ZNF532: variants seen among roughly 807,000 people sequenced by gnomAD.
The protein encoded by ZNF532 is zinc finger protein 532.
In ZNF532, 22 loss-of-function variants were observed where a neutral mutation model predicts 89.3. The observed-to-expected ratio is 0.25, with a 90% CI of 0.18 to 0.35. The LOEUF is 0.35. ZNF532 is among the 10% of genes least tolerant of loss of function. The pLI, the probability that ZNF532 is intolerant of heterozygous loss-of-function variation, is 1.00. For synonymous variants in ZNF532, 606 were observed against 649.6 expected (o/e 0.93, Z 1.02); for missense variants, 1,132 against 1,643.4 (o/e 0.69, Z 5.38).
At position 58,918,547 on chromosome 18, in the gene ZNF532, A is replaced by G. The variant is rs766978666; in HGVS notation, c.260A>G (p.Asn87Ser). Residue 87 changes from asparagine to serine, a missense_variant, in exon 3 of 10, where the codon AAT (asparagine) becomes AGT (serine). Asn to Ser is a conservative substitution (Grantham distance 46, BLOSUM62 1). This residue lies in a region of ZNF532 where 302 missense variants were observed against 319.8 expected (regional missense o/e 0.94). Coordinates refer to ENST00000591808, the MANE Select transcript of ZNF532 (RefSeq NM_001375912.1). The stretch of plus-strand genomic sequence containing the variant: ...AAAGACGGCCACAACCCCACTGGCA[A>G]TGGCTTACATAATGGGTTTCTCACA... The part of the protein sequence containing the change: ...GEKDGHNPTG[N>S]GLHNGFLTAS... The G allele has an allele frequency of 6.2e-7, 1 of 1,614,206 alleles. No homozygotes were observed. The highest frequency in any genetic ancestry group is 8.5e-7 in the Non-Finnish European group (1 of 1,180,032).
chr18:58,887,292 C>G (rs2145162325), intron 2 of ZNF532, among the ~76,000 whole-genome samples: 1 of 152,326 alleles, frequency 6.6e-6, no homozygotes, highest in Non-Finnish European at 1.5e-5. Flanking sequence ...GAAATGCTAA[C>G]CTGAGGGCAG....
Position 58,919,593 on chromosome 18 carries a change from G to A in ZNF532, c.1306G>A (p.Ala436Thr), listed in dbSNP as rs1052112946. 8 of 1,614,054 alleles carry A rather than the reference G, an allele frequency of 5.0e-6. No homozygotes were observed. Among genetic ancestry groups the A allele is most frequent in the African/African-American group, 1.3e-5 (1 of 74,928 alleles). The change falls in exon 3 of 10, where the codon GCA becomes ACA. Residue 436 changes from alanine to threonine, a missense_variant. By Grantham distance (58) the Ala-to-Thr change is moderately conservative. Transcript: ENST00000591808. This position sits in a 1 kb window ranked among gnomAD's most constrained non-coding sequence, Gnocchi z 6.1. ...SAVVTNAVSP[A>T]ELTPKQVTIK... Reference sequence around the variant, plus strand: ...GGTCGTGACCAATGCAGTTTCCCCTGCAGAGCTCACCCCCAAACAGGTCAC... The same window carrying A: ...GGTCGTGACCAATGCAGTTTCCCCTACAGAGCTCACCCCCAAACAGGTCAC...
At chr18:58,870,871 T>G (rs2056921974) in intron 2 of ZNF532, among the ~76,000 whole-genome samples, 3 of 152,152 alleles carry the variant, frequency 2.0e-5, no homozygotes, top group Non-Finnish European at 4.4e-5. Context: ...AGAATAGATT[T>G]GGAAGAGTGG....
intron 2 of ZNF532, among the ~76,000 whole-genome samples, chr18:58,898,276 T>C (rs1031928799): frequency 2.6e-5 from 4 of 152,296 alleles, no homozygotes; most frequent in East Asian, 1.9e-4. Flanking sequence ...AGCAAGACAC[T>C]TAAACTTCTC....
intron 7 of ZNF532, among the ~76,000 whole-genome samples, chr18:58,959,459 G>A (rs1247133327): frequency 1.3e-5 from 2 of 151,858 alleles, no homozygotes; most frequent in Admixed American, 6.6e-5. Context: ...GTGTTTCACT[G>A]TGTCACCCAG....
chr18:58,951,647 T>TTTTTTTTTTTGG (rs1555746488), intron 6 of ZNF532, among the ~76,000 whole-genome samples: 5,271 of 27,558 alleles, frequency 0.19, 508 homozygotes, highest in African/African-American at 0.39. Flanking sequence ...CGCCCTGTTG[T>TTTTTTTTTTTGG]TTTTTTTTTT....
intron 2 of ZNF532, among the ~76,000 whole-genome samples, chr18:58,916,175 G>A (rs1436619613): frequency 6.6e-6 from 1 of 152,182 alleles, no homozygotes; most frequent in Non-Finnish European, 1.5e-5. Flanking sequence ...GCTAATGGCA[G>A]CTTTATTGTG....
intron 5 of ZNF532, among the ~76,000 whole-genome samples, chr18:58,946,289 T>C (rs1166055712): frequency 7.3e-6 from 1 of 136,190 alleles, no homozygotes; most frequent in Non-Finnish European, 1.5e-5. Flanking sequence ...AATCTTCATA[T>C]AGTTTTTTTT....
At chr18:58,937,786 A>T (rs2062603890) in intron 4 of ZNF532, among the ~76,000 whole-genome samples, 1 of 152,230 alleles carries the variant, frequency 6.6e-6, no homozygotes, top group African/African-American at 2.4e-5. Context: ...CTCATTTTAC[A>T]AATGAGTAAC....
At chr18:58,977,679 G>A (rs1009166438) in intron 7 of ZNF532, 2 of 152,180 alleles carry the variant, frequency 1.3e-5, no homozygotes, top group Non-Finnish European at 2.9e-5. Flanking sequence ...GTGAGACCTT[G>A]TCTCTACTAA....
In ZNF532 at chr18:58,918,856, C is replaced by G. The variant is rs751732976; in HGVS notation, c.569C>G (p.Ser190Cys). 7.4e-6 allele frequency: 12 copies of G among 1,614,180 alleles called. No individual in the cohort carries two copies. Among genetic ancestry groups the G allele is most frequent in the Non-Finnish European group, 1.0e-5 (12 of 1,180,046 alleles). The change falls in exon 3 of 10, where the codon TCT becomes TGT. Residue 190 changes from serine to cysteine, a missense_variant. This residue lies in a region of ZNF532 where 302 missense variants were observed against 319.8 expected (regional missense o/e 0.94). Coordinates refer to ENST00000591808, the MANE Select transcript of ZNF532 (RefSeq NM_001375912.1). ...GGENSSKTGL[S>C]TSGNVEKNKA... is the part of the protein sequence containing the mutation. ...GAAAACTCCAGCAAAACTGGACTCT[C>G]TACGTCAGGCAATGTGGAGAAAAAC...
intron 5 of ZNF532, among the ~76,000 whole-genome samples, chr18:58,940,733 C>T (rs1357425407): frequency 1.3e-5 from 2 of 152,204 alleles, no homozygotes; most frequent in Non-Finnish European, 2.9e-5. Context: ...TCTTCGCTCC[C>T]TCCTTGTGCA....
At chr18:58,951,683 T>C (rs1409148537) in intron 6 of ZNF532, among the ~76,000 whole-genome samples, 1 of 117,782 alleles carries the variant, frequency 8.5e-6, no homozygotes, top group African/African-American at 3.5e-5. Context: ...GGAGTTTTGC[T>C]CCGTCGCCCA....
chr18:58,961,724 C>CT (rs1466066445), intron 7 of ZNF532, among the ~76,000 whole-genome samples: 2 of 152,264 alleles, frequency 1.3e-5, no homozygotes, highest in East Asian at 3.9e-4. Context: ...AATGCTGAGT[C>CT]TAGAAACAGT....
chr18:58,962,437 C>G (rs1012593528), intron 7 of ZNF532, among the ~76,000 whole-genome samples: 1 of 152,058 alleles, frequency 6.6e-6, no homozygotes, highest in African/African-American at 2.4e-5. Flanking sequence ...TGGATCGAAA[C>G]AGAACTTCTA....
chr18:58,911,797 C>G (rs1013484822), intron 2 of ZNF532, among the ~76,000 whole-genome samples: 3 of 152,316 alleles, frequency 2.0e-5, no homozygotes, highest in Middle Eastern at 3.4e-3. Context: ...GGGCTACAGG[C>G]ACGCCCTCAA....
intron 6 of ZNF532, among the ~76,000 whole-genome samples, chr18:58,948,985 G>A (rs2146933465): frequency 6.6e-6 from 1 of 151,914 alleles, no homozygotes; most frequent in East Asian, 1.9e-4. Flanking sequence ...AATTATTTAA[G>A]CAGTTAGGTT....
At chr18:58,928,746 C>A (rs1007746502) in intron 3 of ZNF532, among the ~76,000 whole-genome samples, 5 of 152,130 alleles carry the variant, frequency 3.3e-5, no homozygotes, top group African/African-American at 1.2e-4. Flanking sequence ...AAATCTGCCC[C>A]AGTTAGGGGT....
intron 2 of ZNF532, among the ~76,000 whole-genome samples, chr18:58,876,334 T>C (rs2057429802): frequency 6.6e-6 from 1 of 152,184 alleles, no homozygotes; most frequent in African/African-American, 2.4e-5. Context: ...TTGACCCTGC[T>C]GGTTCATGGC....
Sources: gnomAD v4.1 joint callset for allele counts (sites outside exome capture counted in the v4.1 genomes callset) on GRCh38, gnomAD v4.1.1 for gene constraint, gnomAD v4.1.1 regional missense constraint, Gnocchi (gnomAD v3.1) non-coding constraint, MANE v1.5 for transcripts, NCBI Gene and HGNC (gene_info 2026-07-23, HGNC 2026-07-21) for gene names.